Variants in POU2F1 observed in about 807,000 individuals in gnomAD.
The protein encoded by POU2F1 is POU domain, class 2, transcription factor 1.
Under a neutral mutation model 84.9 loss-of-function variants are expected in POU2F1, and 16 were observed. That is an observed-to-expected ratio of 0.19 (90% CI 0.13 to 0.29). The LOEUF (loss-of-function observed/expected upper bound fraction) is 0.29, where lower values mean the gene tolerates loss of function less well. Among genes scored for constraint, POU2F1 ranks in the 10% least tolerant of loss-of-function variants. The pLI, the probability that POU2F1 is intolerant of heterozygous loss-of-function variation, is 1.00. For synonymous variants in POU2F1, 368 were observed against 368.3 expected, an observed-to-expected ratio of 1.00 and a Z score of 0.01; for missense variants, 738 against 942.6, an observed-to-expected ratio of 0.78 and a Z score of 2.84.
chr1:167,380,659 A>G (rs1647468776), intron 7 of POU2F1: 1 of 152,238 alleles, frequency 6.6e-6, no homozygotes, highest in Non-Finnish European at 1.5e-5. Context: ...TCTTAACTTC[A>G]TGATGGAGGA....
At chr1:167,293,770 A>G (rs189295834) in intron 1 of POU2F1, among the ~76,000 whole-genome samples, 65 of 152,314 alleles carry the variant, frequency 4.3e-4, no homozygotes, top group African/African-American at 1.4e-3. Flanking sequence ...ATGTAGACCA[A>G]TGGAACAGGA....
In POU2F1 at chr1:167,282,331, A is replaced by G. The variant is rs558922359; in HGVS notation, c.62-50139A>G. On this transcript the variant is annotated intron_variant, in intron 1 of 15. Transcript: ENST00000367866. ...GCTAATTTTTTGTATTTTTTAGTAG[A>G]GATGGGGTTTCACCGTGTTAGCCAG... Among the ~76,000 whole-genome samples the G allele has an allele frequency of 2.6e-5, 4 of 151,690 alleles. No homozygotes were observed. In the South Asian group the frequency reaches 8.3e-4, roughly 32 times the overall value.
At chr1:167,234,137 A>C (rs1649278072) in intron 1 of POU2F1, among the ~76,000 whole-genome samples, 1 of 152,132 alleles carries the variant, frequency 6.6e-6, no homozygotes. Context: ...GCATATATCA[A>C]ATGGAATTGG....
intron 1 of POU2F1, among the ~76,000 whole-genome samples, chr1:167,263,838 A>C (rs561668595): frequency 1.3e-5 from 2 of 152,214 alleles, no homozygotes; most frequent in South Asian, 4.1e-4. Flanking sequence ...TGTGACCTTC[A>C]TAGAGTCTTA....
intron 2 of POU2F1, among the ~76,000 whole-genome samples, chr1:167,334,622 C>T (rs775216153): frequency 1.3e-5 from 2 of 152,088 alleles, no homozygotes; most frequent in South Asian, 4.1e-4. Context: ...TTGTTGTAAC[C>T]GTCTTGTGAA....
At chr1:167,302,527 G>C (rs1369028523) in intron 1 of POU2F1, among the ~76,000 whole-genome samples, 1 of 152,040 alleles carries the variant, frequency 6.6e-6, no homozygotes, top group African/African-American at 2.4e-5. Flanking sequence ...AAGGTACTAG[G>C]ATTACAGGCG....
intron 1 of POU2F1, among the ~76,000 whole-genome samples, chr1:167,228,941 A>T (rs1186742489): frequency 6.6e-6 from 1 of 152,132 alleles, no homozygotes; most frequent in Non-Finnish European, 1.5e-5. Context: ...GCGTTACTAT[A>T]CCCATTTTAT....
At chr1:167,413,260 A>G (rs1481879990) in intron 15 of POU2F1, 146 bp downstream of exon 15, 6 of 711,144 alleles carry the variant, frequency 8.4e-6, no homozygotes, top group East Asian at 2.6e-5. Flanking sequence ...AATGCTGACT[A>G]ACTTGTTCTT....
intron 2 of POU2F1, among the ~76,000 whole-genome samples, chr1:167,344,151 G>A (rs746474556): frequency 2.8e-4 from 43 of 152,126 alleles, no homozygotes; most frequent in East Asian, 1.9e-4. Flanking sequence ...CAGTAGCCAC[G>A]TGTAGTTAGT....
intron 1 of POU2F1, among the ~76,000 whole-genome samples, chr1:167,288,833 C>A (rs916298373): frequency 6.6e-6 from 1 of 152,136 alleles, no homozygotes; most frequent in Non-Finnish European, 1.5e-5. Context: ...CTAGAATTTC[C>A]GTTCAAAATG....
intron 2 of POU2F1, among the ~76,000 whole-genome samples, chr1:167,351,519 CAAAA>C (rs34170498): frequency 3.7e-4 from 17 of 45,990 alleles, no homozygotes; most frequent in South Asian, 2.6e-3. Flanking sequence ...AGCACCATCT[CAAAA>C]AAAAAAAAAA....
chr1:167,221,032 G>A lies in POU2F1; in HGVS notation c.61+74G>A. 3 of 1,319,908 alleles carry A rather than the reference G, an allele frequency of 2.3e-6. No homozygotes were observed. The South Asian group carries it at 3.8e-5, about 17-fold the overall frequency. 81.8% of individuals were successfully genotyped at this position (1,319,908 alleles called of 1,614,324 possible). A position where few individuals can be genotyped will look rare whatever the true frequency, so the allele number is the denominator to read the frequency against. ...TCCCGCTGCCCCCCCCCGCGACTTA[G>A]CATAATTTATTAGTACTCAGGATTA... is the stretch of plus-strand genomic sequence containing the variant. On this transcript the variant is annotated intron_variant, in intron 1 of 15. Coordinates refer to ENST00000367866, the MANE Select transcript of POU2F1 (RefSeq NM_002697.4).
chr1:167,244,115 A>G (rs1557841336), intron 1 of POU2F1, among the ~76,000 whole-genome samples: 1 of 152,202 alleles, frequency 6.6e-6, no homozygotes, highest in South Asian at 2.1e-4. Context: ...ACAGAGTCAA[A>G]TGGCTGGAGC....
intron 1 of POU2F1, among the ~76,000 whole-genome samples, chr1:167,240,977 T>C (rs1482288087): frequency 6.6e-6 from 1 of 152,086 alleles, no homozygotes; most frequent in Non-Finnish European, 1.5e-5. Context: ...ACCCCGTCTC[T>C]GCTAAAAATA....
At chr1:167,221,153 A>AG (rs1470812808) in intron 1 of POU2F1, among the ~76,000 whole-genome samples, 195 bp downstream of exon 1, 2 of 149,168 alleles carry the variant, frequency 1.3e-5, no homozygotes, top group Non-Finnish European at 3.0e-5. Flanking sequence ...GGCCAGGCGG[A>AG]GGGGGAAGAC....
At chr1:167,285,514 C>T (rs1157037568) in intron 1 of POU2F1, among the ~76,000 whole-genome samples, 1 of 151,932 alleles carries the variant, frequency 6.6e-6, no homozygotes, top group East Asian at 1.9e-4. Context: ...ATGGCGTGAA[C>T]CCCGGGAGGC....
chr1:167,342,437 A>G (rs1406173638), intron 2 of POU2F1, among the ~76,000 whole-genome samples: 1 of 152,200 alleles, frequency 6.6e-6, no homozygotes, highest in Non-Finnish European at 1.5e-5. Flanking sequence ...TACTAGTGCT[A>G]TGGCTGGTAT....
Position 167,353,733 on chromosome 1 carries a change from G to T in POU2F1, c.128-11734G>T, listed in dbSNP as rs561059612. Among the ~76,000 whole-genome samples, 21 of 151,888 alleles carry T rather than the reference G, an allele frequency of 1.4e-4. 1 individual carries two copies. Among genetic ancestry groups the T allele is most frequent in the African/African-American group, 5.1e-4 (21 of 41,286 alleles). The stretch of plus-strand genomic sequence containing the variant: ...TTTTTTTTATTGTTGATTCTTTTAC[G>T]ATTTTATGCAAAAGTAATTGTAAAA... On this transcript the variant is annotated intron_variant, in intron 2 of 15. Transcript: ENST00000367866.
intron 1 of POU2F1, among the ~76,000 whole-genome samples, chr1:167,300,189 A>G (rs1449091335): frequency 1.3e-5 from 2 of 152,206 alleles, no homozygotes; most frequent in African/African-American, 2.4e-5. Context: ...ACATTTTCTC[A>G]CTTGTAAGTG....
Sources: gnomAD v4.1 joint callset for allele counts (sites outside exome capture counted in the v4.1 genomes callset) on GRCh38, gnomAD v4.1.1 for gene constraint, MANE v1.5 for transcripts, NCBI Gene and HGNC (gene_info 2026-07-23, HGNC 2026-07-21) for gene names.